Variants in HARBI1 observed in about 807,000 individuals in gnomAD.
The protein encoded by HARBI1 is harbinger transposase derived 1, also known as putative nuclease HARBI1.
In HARBI1, 15 loss-of-function variants were observed where a neutral mutation model predicts 25.3. The ratio of observed to expected loss-of-function variants is 0.59; its 90% confidence interval spans 0.40 to 0.91. The LOEUF (loss-of-function observed/expected upper bound fraction) is 0.91, where lower values mean the gene tolerates loss of function less well. Ranked by LOEUF, HARBI1 falls within the 40% of genes least tolerant of loss-of-function variation. The probability of loss-of-function intolerance (pLI) is 0.00; values close to 1 mark genes in which losing one functional copy is unlikely to be tolerated. For missense variants in HARBI1, 396 were observed against 445.8 expected (o/e 0.89, Z 1.01); for synonymous variants, 168 against 160.5 (o/e 1.05, Z -0.35).
chr11:46,606,181 C>T (rs1355394896), intron 2 of HARBI1, among the ~76,000 whole-genome samples: 1 of 151,282 alleles, frequency 6.6e-6, no homozygotes, highest in Non-Finnish European at 1.5e-5. Flanking sequence ...ACACCACGCC[C>T]GGCCATAACC....
chr11:46,617,549 C>G (rs533900267), upstream of HARBI1: 639 of 274,814 alleles, frequency 2.3e-3, 77 homozygotes, highest in African/African-American at 0.016. Context: ...CACCCCCCCC[C>G]CCCGGCCATT....
In HARBI1 at chr11:46,603,317, C is replaced by T. The variant is rs1414957921; in HGVS notation, c.*213G>A. On this transcript the variant is annotated 3_prime_UTR_variant, in exon 3 of 3. Coordinates refer to ENST00000326737, the MANE Select transcript of HARBI1 (RefSeq NM_173811.4). ...TAGAGTTCACTGGATAGTAGGGAGC[C>T]GCTGTCTTGGTTTCAGTTTAATTAA... 2 of 481,640 alleles carry T rather than the reference C, an allele frequency of 4.2e-6. No homozygotes were observed. Among genetic ancestry groups the T allele is most frequent in the African/African-American group, 1.9e-5 (1 of 51,428 alleles). 29.8% of individuals were successfully genotyped at this position (481,640 alleles called of 1,614,324 possible).
chr11:46,612,523 T>C (rs1289985940), intron 2 of HARBI1, among the ~76,000 whole-genome samples: 1 of 152,206 alleles, frequency 6.6e-6, no homozygotes, highest in Non-Finnish European at 1.5e-5. Context: ...AATAGATTCT[T>C]GTTCTACTCA....
intron 2 of HARBI1, among the ~76,000 whole-genome samples, chr11:46,613,159 T>C (rs1472986847): frequency 2.0e-5 from 3 of 151,710 alleles, no homozygotes; most frequent in Non-Finnish European, 4.4e-5. Context: ...TTTGTGTTTT[T>C]AGTAGAGAAG....
upstream of HARBI1, chr11:46,617,540 A>AACCCCCCCCC (rs2045669960): frequency 1.2e-5 from 1 of 80,262 alleles, no homozygotes. Context: ...GCCCTCTTTC[A>AACCCCCCCCC]CCCCCCCCCC....
At chr11:46,617,880 C>T (rs2045788151), upstream of HARBI1, 1 of 399,026 alleles carries the variant, frequency 2.5e-6, no homozygotes, top group African/African-American at 2.1e-5. Context: ...CTTTGTGCCG[C>T]AGCTTCGCAG....
At chr11:46,604,292 A>G in intron 2 of HARBI1, 6 of 937,108 alleles carry the variant, frequency 6.4e-6, no homozygotes, top group Non-Finnish European at 7.6e-6. Context: ...GTGGATCACC[A>G]ACTGAGGCCC....
chr11:46,604,719 A>G (rs1464874404), intron 2 of HARBI1: 2 of 985,128 alleles, frequency 2.0e-6, no homozygotes, highest in African/African-American at 3.5e-5. Flanking sequence ...CAGAGATCAG[A>G]ACTCAGGTGT....
At chr11:46,616,703 A>G in intron 1 of HARBI1, 1 of 992,706 alleles carries the variant, frequency 1.0e-6, no homozygotes, top group Non-Finnish European at 1.2e-6. Context: ...GAAGCAGCTG[A>G]CATATGTCAT....
chr11:46,615,325 G>A (rs913152360), intron 2 of HARBI1, among the ~76,000 whole-genome samples: 5 of 151,678 alleles, frequency 3.3e-5, no homozygotes, highest in African/African-American at 4.8e-5. Flanking sequence ...GGGTTCAAGC[G>A]ATTGTCCTGC....
At chr11:46,615,431 T>C in intron 2 of HARBI1, 137 bp downstream of exon 2, 1 of 698,704 alleles carries the variant, frequency 1.4e-6, no homozygotes. Context: ...TTGGCCAGGC[T>C]GGTCTCCAGC....
chr11:46,610,311 C>G lies in HARBI1; in HGVS notation c.670+5257G>C, dbSNP rs1053778445. Among the ~76,000 whole-genome samples, 8 of 150,058 alleles carry G rather than the reference C, an allele frequency of 5.3e-5. 1 individual carries two copies. The highest frequency in any genetic ancestry group is 1.0e-4 in the Non-Finnish European group (7 of 67,698). ...CTCCAGCGTGGGTGACAGAGTGAGA[C>G]CCTGTTTCAAAAATACATGTGTGTG... On this transcript the variant is annotated intron_variant, in intron 2 of 2. Coordinates refer to ENST00000326737, the MANE Select transcript of HARBI1 (RefSeq NM_173811.4).
In HARBI1 at chr11:46,616,359, C is replaced by T; in HGVS notation, c.-122G>A. 1.4e-6 allele frequency: 2 copies of T among 1,470,834 alleles called. No individual in the cohort carries two copies. Among genetic ancestry groups the T allele is most frequent in the Non-Finnish European group, 8.9e-7 (1 of 1,120,344 alleles). 91.1% of individuals were successfully genotyped at this position (1,470,834 alleles called of 1,614,324 possible). A position where few individuals can be genotyped will look rare whatever the true frequency, so the allele number is the denominator to read the frequency against. On this transcript the variant is annotated 5_prime_UTR_variant, in exon 2 of 3. Transcript: ENST00000326737. ...CCAACAGCTAACCACAGTTAAATGGCTCTGCCATTTATAATCTTCTCTCTG... is the reference window on the plus strand; with the variant it reads ...CCAACAGCTAACCACAGTTAAATGGTTCTGCCATTTATAATCTTCTCTCTG...
At chr11:46,613,947 G>A (rs767691707) in intron 2 of HARBI1, among the ~76,000 whole-genome samples, 7 of 151,714 alleles carry the variant, frequency 4.6e-5, no homozygotes, top group Non-Finnish European at 1.0e-4. Flanking sequence ...CTGGGATTAC[G>A]GGCAGGAGCC....
chr11:46,606,137 C>T (rs758334026), intron 2 of HARBI1, among the ~76,000 whole-genome samples: 16 of 151,800 alleles, frequency 1.1e-4, no homozygotes, highest in Non-Finnish European at 1.6e-4. Flanking sequence ...CCACCCCCTT[C>T]GGCTTCCCAA....
intron 2 of HARBI1, chr11:46,604,394 A>G (rs1049757244): frequency 6.8e-6 from 6 of 886,716 alleles, no homozygotes; most frequent in Non-Finnish European, 5.4e-6. Context: ...GACAAGCGCG[A>G]AACTCCATCT....
At chr11:46,608,956 T>C (rs546330600) in intron 2 of HARBI1, among the ~76,000 whole-genome samples, 1 of 146,568 alleles carries the variant, frequency 6.8e-6, no homozygotes, top group African/African-American at 2.6e-5. Flanking sequence ...AAAGTCTCGC[T>C]CTTGTCCCCC....
intron 2 of HARBI1, among the ~76,000 whole-genome samples, chr11:46,605,700 G>C (rs928944835): frequency 2.1e-5 from 3 of 141,546 alleles, no homozygotes; most frequent in Admixed American, 7.8e-5. Context: ...CAATTCTCCT[G>C]TCTCAGCCTC....
Position 46,603,747 on chromosome 11 carries a change from T to C in HARBI1, c.833A>G (p.Lys278Arg). 1 of 1,614,154 alleles carries C rather than the reference T, an allele frequency of 6.2e-7. No homozygotes were observed. ...CTCTGGTGAGTACTGCAGTGCCCCC[T>C]TGGATCCATCCAGGCAGCGGAATCG... ...CSRFRCLDGSKGALQYSPEKS... is the reference protein window; with the variant it reads ...CSRFRCLDGSRGALQYSPEKS... Residue 278 changes from lysine to arginine, a missense_variant, in exon 3 of 3, where the codon AAG (lysine) becomes AGG (arginine). By Grantham distance (26) the Lys-to-Arg change is conservative. Transcript: ENST00000326737.
Sources: gnomAD v4.1 joint callset for allele counts (sites outside exome capture counted in the v4.1 genomes callset) on GRCh38, gnomAD v4.1.1 for gene constraint, MANE v1.5 for transcripts, NCBI Gene and HGNC (gene_info 2026-07-23, HGNC 2026-07-21) for gene names.